The following HS3ST4 variants were observed in gnomAD, a reference collection of about 807,000 sequenced individuals.
The protein encoded by HS3ST4 is heparan sulfate glucosamine 3-O-sulfotransferase 4.
Under a neutral mutation model 29.2 loss-of-function variants are expected in HS3ST4, and 17 were observed. The ratio of observed to expected loss-of-function variants is 0.58; its 90% CI spans 0.40 to 0.87. HS3ST4 has a LOEUF of 0.87. Among genes scored for constraint, HS3ST4 ranks in the 40% least tolerant of loss-of-function variants. The pLI, the probability that HS3ST4 is intolerant of heterozygous loss-of-function variation, is 0.00. For missense variants in HS3ST4, 627 were observed against 634.5 expected (o/e 0.99, Z 0.13); for synonymous variants, 314 against 285.7 (o/e 1.10, Z -1.00).
chr16:26,103,725 G>A (rs894271008), intron 1 of HS3ST4, among the ~76,000 whole-genome samples: 1 of 152,098 alleles, frequency 6.6e-6, no homozygotes, highest in African/African-American at 2.4e-5. Context: ...TTTAGTTAAC[G>A]ACCATATCAT....
chr16:26,081,846 A>C lies in HS3ST4; in HGVS notation c.735-53766A>C, dbSNP rs373779280. ...GTTTCACTCTTGTTGCCCAGGTTGG[A>C]GTACAATGGCATGATCTTGGCTCAC... On this transcript the variant is annotated intron_variant, in intron 1 of 1. Transcript: ENST00000331351. Among the ~76,000 whole-genome samples the C allele has an allele frequency of 1.6e-4, 18 of 115,740 alleles. No homozygotes were observed. In the South Asian group the frequency reaches 5.1e-3, roughly 33 times the overall value. The allele number at this position is 115,740 out of a possible 152,430, so 75.9% of individuals were successfully genotyped here. A position where few individuals can be genotyped will look rare whatever the true frequency, so the allele number is the denominator to read the frequency against.
At chr16:25,790,210 A>G (rs1174221954) in intron 1 of HS3ST4, among the ~76,000 whole-genome samples, 3 of 151,888 alleles carry the variant, frequency 2.0e-5, no homozygotes, top group Non-Finnish European at 4.4e-5. Flanking sequence ...CAGGAGTTCA[A>G]GACCACCGTG....
At position 26,124,956 on chromosome 16, in the gene HS3ST4, G is replaced by C. The variant is rs552082189; in HGVS notation, c.735-10656G>C. On this transcript the variant is annotated intron_variant, in intron 1 of 1. Coordinates refer to ENST00000331351, the MANE Select transcript of HS3ST4 (RefSeq NM_006040.3). ...TCTTATGTCTCTGGACATAAAGTTT[G>C]AGGAACTTGCCCCATGGCATAGGCA... Among the ~76,000 whole-genome samples the C allele has an allele frequency of 1.2e-3, 188 of 152,316 alleles. 3 individuals are homozygous for C. Among genetic ancestry groups the C allele is most frequent in the African/African-American group, 4.3e-3 (177 of 41,570 alleles).
chr16:25,943,255 A>T (rs1049989773), intron 1 of HS3ST4, among the ~76,000 whole-genome samples: 1 of 152,196 alleles, frequency 6.6e-6, no homozygotes, highest in African/African-American at 2.4e-5. Flanking sequence ...AGGTGTTCCA[A>T]CATGAAGGAT....
rs569748683 is a variant in HS3ST4 at position 26,092,760 on chromosome 16, G to A, written c.735-42852G>A. On this transcript the variant is annotated intron_variant, in intron 1 of 1. Coordinates refer to ENST00000331351, the MANE Select transcript of HS3ST4 (RefSeq NM_006040.3). ...TGGTTGGACAGTAGGTGCAGCCCAC[G>A]GAGGGTGAGCTGAAGCAGGGCGGGG... Among the ~76,000 whole-genome samples the A allele has an allele frequency of 1.8e-4, 28 of 152,228 alleles. No individual in the cohort carries two copies. The South Asian group carries it at 4.1e-3, about 23-fold the overall frequency.
In HS3ST4 at chr16:26,136,314, C is replaced by T. The variant is rs1898283736; in HGVS notation, c.*66C>T. The T allele has an allele frequency of 1.4e-6, 2 of 1,419,746 alleles. No individual in the cohort carries two copies. The highest frequency in any genetic ancestry group is 1.4e-5 in the South Asian group (1 of 71,342). 87.9% of individuals were successfully genotyped at this position (1,419,746 alleles called of 1,614,324 possible). A position where few individuals can be genotyped will look rare whatever the true frequency, so the allele number is the denominator to read the frequency against. On this transcript the variant is annotated 3_prime_UTR_variant, in exon 2 of 2. Coordinates refer to ENST00000331351, the MANE Select transcript of HS3ST4 (RefSeq NM_006040.3). ...GGCTCCTTGCCTGAGTCCTTGAATA[C>T]CCCAGCTTCTGCAGCTTCACTTGCT...
chr16:25,895,153 G>T (rs1040023326), intron 1 of HS3ST4, among the ~76,000 whole-genome samples: 1 of 141,388 alleles, frequency 7.1e-6, no homozygotes, highest in Non-Finnish European at 1.6e-5. Flanking sequence ...GTGTGTGTGT[G>T]TGTGTGTGCT....
chr16:26,100,853 A>G (rs994018845), intron 1 of HS3ST4, among the ~76,000 whole-genome samples: 1 of 152,168 alleles, frequency 6.6e-6, no homozygotes, highest in Non-Finnish European at 1.5e-5. Flanking sequence ...TGATAGTCCT[A>G]TGAGATAGTC....
At chr16:25,934,519 G>A (rs904812894) in intron 1 of HS3ST4, among the ~76,000 whole-genome samples, 5 of 152,194 alleles carry the variant, frequency 3.3e-5, no homozygotes, top group African/African-American at 1.2e-4. Flanking sequence ...TGGGCTCCTG[G>A]ATACTGGGGA....
chr16:26,003,540 A>C (rs1357744935), intron 1 of HS3ST4, among the ~76,000 whole-genome samples: 1 of 152,194 alleles, frequency 6.6e-6, no homozygotes, highest in Non-Finnish European at 1.5e-5. Flanking sequence ...GACCACCAGA[A>C]ACTGAAGACT....
At chr16:26,107,878 T>C (rs1899077848) in intron 1 of HS3ST4, among the ~76,000 whole-genome samples, 1 of 152,210 alleles carries the variant, frequency 6.6e-6, no homozygotes, top group Non-Finnish European at 1.5e-5. Flanking sequence ...CTTTTTGAAA[T>C]AATGACTTCT....
chr16:25,760,795 G>A (rs1966784463), intron 1 of HS3ST4, among the ~76,000 whole-genome samples: 1 of 152,088 alleles, frequency 6.6e-6, no homozygotes, highest in Non-Finnish European at 1.5e-5. Context: ...GAGGTACTGG[G>A]GGTTAGGACT....
intron 1 of HS3ST4, among the ~76,000 whole-genome samples, chr16:25,749,580 G>A (rs1024930356): frequency 6.6e-6 from 1 of 152,098 alleles, no homozygotes; most frequent in African/African-American, 2.4e-5. Flanking sequence ...AGAAGAAGAA[G>A]AAGGAGAAGC....
intron 1 of HS3ST4, among the ~76,000 whole-genome samples, chr16:25,891,161 A>G (rs1968004013): frequency 6.6e-6 from 1 of 152,230 alleles, no homozygotes. Flanking sequence ...CTTGCAGACT[A>G]CAGTGAGCCT....
chr16:25,914,822 C>T (rs903315895), intron 1 of HS3ST4, among the ~76,000 whole-genome samples: 1 of 151,588 alleles, frequency 6.6e-6, no homozygotes, highest in Non-Finnish European at 1.5e-5. Context: ...AAACAGGGAG[C>T]CCTGGAGGCT....
chr16:25,759,353 T>G lies in HS3ST4; in HGVS notation c.734+66202T>G, dbSNP rs542770854. On this transcript the variant is annotated intron_variant, in intron 1 of 1. Coordinates refer to ENST00000331351, the MANE Select transcript of HS3ST4 (RefSeq NM_006040.3). ...GTCACATAGTAGCTTCTGTTCATCT[T>G]CCAGGCACAGTGCTAGGTGCTGGGA... Among the ~76,000 whole-genome samples, 416 of 152,366 alleles carry G rather than the reference T, an allele frequency of 2.7e-3. 3 individuals are homozygous for G. The highest frequency in any genetic ancestry group is 9.6e-3 in the African/African-American group (399 of 41,584).
At chr16:25,974,288 C>T (rs571502482) in intron 1 of HS3ST4, among the ~76,000 whole-genome samples, 342 of 152,284 alleles carry the variant, frequency 2.2e-3, no homozygotes, top group Non-Finnish European at 4.1e-3. Context: ...CCTCCATAGT[C>T]TCCAGGATCA....
chr16:25,969,462 G>A (rs1051800215), intron 1 of HS3ST4, among the ~76,000 whole-genome samples: 1 of 152,202 alleles, frequency 6.6e-6, no homozygotes, highest in African/African-American at 2.4e-5. Flanking sequence ...TCGTGGGGGT[G>A]GAGGCACAGT....
At chr16:26,103,414 A>G (rs1467958431) in intron 1 of HS3ST4, among the ~76,000 whole-genome samples, 1 of 152,146 alleles carries the variant, frequency 6.6e-6, no homozygotes, top group Non-Finnish European at 1.5e-5. Context: ...GAAGGAAACA[A>G]TCTGGATCTG....
Sources: gnomAD v4.1 joint callset for allele counts (sites outside exome capture counted in the v4.1 genomes callset) on GRCh38, gnomAD v4.1.1 for gene constraint, MANE v1.5 for transcripts, NCBI Gene and HGNC (gene_info 2026-07-23, HGNC 2026-07-21) for gene names.